WDR93: variants seen among roughly 807,000 people sequenced by gnomAD.
WDR93 encodes WD repeat-containing protein 93.
A neutral mutation model predicts 82.9 loss-of-function variants in WDR93; 73 were observed. The observed-to-expected ratio is 0.88, with a 90% CI of 0.73 to 1.07. The LOEUF (loss-of-function observed/expected upper bound fraction) is 1.07, where lower values mean the gene tolerates loss of function less well. Among genes scored for constraint, WDR93 ranks in the 50% least tolerant of loss-of-function variants. WDR93 has a pLI of 0.00. For missense variants in WDR93, 738 were observed against 826.0 expected (o/e 0.89, Z 1.31); for synonymous variants, 283 against 300.1 (o/e 0.94, Z 0.59).
chr15:89,734,273 G>A (rs1470493811), intron 13 of WDR93, among the ~76,000 whole-genome samples: 4 of 152,180 alleles, frequency 2.6e-5, no homozygotes, highest in Non-Finnish European at 5.9e-5. Context: ...ACTGGACTCA[G>A]TCCGTTTCTT....
In WDR93 at chr15:89,743,290, A is replaced by G. The variant is rs1967820187; in HGVS notation, c.1962-2A>G. ...CTCTCATCACAGTTGTGTGGCCCTC[A>G]GCTATCGGAAGCTGGAGAAGAACCC... On this transcript the variant is annotated splice_acceptor_variant, in intron 16 of 16. Transcript: ENST00000268130. LOFTEE classifies it high-confidence loss of function. The G allele has an allele frequency of 1.2e-6, 2 of 1,614,172 alleles. No homozygotes were observed. Among genetic ancestry groups the G allele is most frequent in the East Asian group, 2.2e-5 (1 of 44,878 alleles).
intron 4 of WDR93, among the ~76,000 whole-genome samples, chr15:89,707,110 G>A (rs1246849028): frequency 6.6e-6 from 1 of 151,918 alleles, no homozygotes; most frequent in Non-Finnish European, 1.5e-5. Context: ...TTTTTTTAAT[G>A]GGCAAAGGAT....
At chr15:89,740,834 T>C (rs568605678) in intron 16 of WDR93, among the ~76,000 whole-genome samples, 85 of 152,258 alleles carry the variant, frequency 5.6e-4, no homozygotes, top group Middle Eastern at 3.4e-3. Context: ...ATGTATAGAT[T>C]ACTTTTTTAA....
intron 6 of WDR93, 135 bp from the exon 7 acceptor site, chr15:89,716,776 C>A: frequency 1.5e-6 from 1 of 660,766 alleles, no homozygotes; most frequent in Non-Finnish European, 2.6e-6. Context: ...CACACAAATA[C>A]TGGCCCTCCA....
chr15:89,691,350 G>GT (rs1396355264), intron 1 of WDR93, among the ~76,000 whole-genome samples: 2 of 152,226 alleles, frequency 1.3e-5, no homozygotes. Flanking sequence ...CTGAACATTC[G>GT]TTCTGTGCGG....
At chr15:89,698,835 T>G (rs1965313076) in intron 1 of WDR93, among the ~76,000 whole-genome samples, 2 of 152,150 alleles carry the variant, frequency 1.3e-5, no homozygotes, top group Admixed American at 1.3e-4. Flanking sequence ...ATGCATCCAG[T>G]GTTTTTCACT....
rs146060654 is a variant in WDR93 at position 89,701,767 on chromosome 15, T to C, written c.21T>C (p.Ser7=). The C allele has an allele frequency of 8.7e-5, 141 of 1,612,004 alleles. 1 individual carries two copies. In the African/African-American group the frequency reaches 1.8e-3, roughly 21 times the overall value. MSFPRG[S]QTQKIKHPIG... is the part of the protein sequence containing the mutation. ...CTGTGATGTCATTCCCAAGAGGAAG[T>C]CAGACCCAGAAAATAAAGCACCCCA... The change falls in exon 2 of 17, where the codon AGT becomes AGC. Residue 7 remains serine, a synonymous_variant. Transcript: ENST00000268130.
rs1966842411 is a variant in WDR93 at position 89,729,474 on chromosome 15, G to T, written c.1124-209G>T. Among the ~76,000 whole-genome samples the T allele has an allele frequency of 2.0e-5, 3 of 152,130 alleles. 1 individual carries two copies. In the South Asian group the frequency reaches 6.2e-4, roughly 32 times the overall value. ...ACTGTCCTCCCTATGCAAGAAGGCG[G>T]GTGGGCCCCAGGAACAGCCCTCATG... On this transcript the variant is annotated intron_variant, in intron 10 of 16. Coordinates refer to ENST00000268130, the MANE Select transcript of WDR93 (RefSeq NM_020212.2).
chr15:89,714,062 C>G (rs1412192777), intron 5 of WDR93, among the ~76,000 whole-genome samples: 5 of 152,214 alleles, frequency 3.3e-5, no homozygotes, highest in Admixed American at 1.3e-4. Context: ...GATAAAGTCC[C>G]ACAGCCAACC....
intron 6 of WDR93, among the ~76,000 whole-genome samples, chr15:89,716,076 A>T (rs941261884): frequency 6.6e-6 from 1 of 152,236 alleles, no homozygotes; most frequent in African/African-American, 2.4e-5. Context: ...GGAGACCAAG[A>T]TTGAGAGTTA....
In WDR93 at chr15:89,715,032, C is replaced by T. The variant is rs1202268479; in HGVS notation, c.693C>T (p.Leu231=). ...DVYKLPKETW[L]KKLEHPQLTS... ...ATAAATTGCCCAAGGAGACTTGGCT[C>T]AAGAAACTAGAGCACCCCCAACTCA... Residue 231 remains leucine (L), a synonymous_variant, in exon 6 of 17, where the codon CTC becomes CTT. Transcript: ENST00000268130. 6.2e-7 allele frequency: 1 copy of T among 1,614,034 alleles called. No homozygotes were observed. The highest frequency in any genetic ancestry group is 8.5e-7 in the Non-Finnish European group (1 of 1,179,982).
chr15:89,728,845 C>T (rs981234037), intron 9 of WDR93, among the ~76,000 whole-genome samples, 178 bp from the exon 10 acceptor site: 13 of 152,274 alleles, frequency 8.5e-5, no homozygotes, highest in Middle Eastern at 3.4e-3. Flanking sequence ...TCACCAGCAT[C>T]CAAGGTCAGC....
intron 7 of WDR93, among the ~76,000 whole-genome samples, chr15:89,718,186 C>CA (rs1418696561): frequency 6.6e-6 from 1 of 151,848 alleles, no homozygotes; most frequent in Non-Finnish European, 1.5e-5. Flanking sequence ...ACAAAAAATA[C>CA]AAAAAATGGC....
chr15:89,723,436 G>C (rs1966607412), intron 8 of WDR93, among the ~76,000 whole-genome samples: 1 of 151,940 alleles, frequency 6.6e-6, no homozygotes, highest in Non-Finnish European at 1.5e-5. Context: ...ACAAGACCCT[G>C]GTTCAAAATC....
intron 1 of WDR93, among the ~76,000 whole-genome samples, chr15:89,695,387 G>A (rs1035783512): frequency 3.9e-5 from 6 of 152,184 alleles, no homozygotes; most frequent in Non-Finnish European, 7.3e-5. Flanking sequence ...AAACTGGAGT[G>A]CAGCAACATG....
intron 10 of WDR93, among the ~76,000 whole-genome samples, chr15:89,729,335 G>A (rs905816107): frequency 2.0e-5 from 3 of 152,150 alleles, no homozygotes; most frequent in Non-Finnish European, 4.4e-5. Flanking sequence ...GAGAAGGCAT[G>A]AGCCCACATC....
chr15:89,718,379 C>G (rs1966356034), intron 7 of WDR93, among the ~76,000 whole-genome samples: 1 of 151,936 alleles, frequency 6.6e-6, no homozygotes, highest in Non-Finnish European at 1.5e-5. Flanking sequence ...GAGGCTGAGG[C>G]AGGAGACTCG....
rs755384862 is a variant in WDR93 at position 89,729,059 on chromosome 15, A to G, written c.1089A>G (p.Leu363=). ...TCTATTTCCTTCTTCCTAGCTGCCT[A>G]TTTGCAATGCCACCGGAAGTCAAGG... ...ATFYFLLPSC[L]FAMPPEVKGP... is the part of the protein sequence containing the mutation. Residue 363 remains leucine, a synonymous_variant, in exon 10 of 17, where the codon CTA becomes CTG. Transcript: ENST00000268130. 2.6e-5 allele frequency: 42 copies of G among 1,613,898 alleles called. No homozygotes were observed. The highest frequency in any genetic ancestry group is 3.4e-5 in the Non-Finnish European group (40 of 1,179,986).
At chr15:89,731,322 G>C in intron 11 of WDR93, 121 bp from the exon 12 acceptor site, 1 of 1,451,976 alleles carries the variant, frequency 6.9e-7, no homozygotes, top group Non-Finnish European at 9.4e-7. Flanking sequence ...AGTCCAGACA[G>C]GTGCTCCTGG....
Sources: gnomAD v4.1 joint callset for allele counts (sites outside exome capture counted in the v4.1 genomes callset) on GRCh38, gnomAD v4.1.1 for gene constraint, MANE v1.5 for transcripts, NCBI Gene and HGNC (gene_info 2026-07-23, HGNC 2026-07-21) for gene names.